Variants in KTN1 observed in about 807,000 individuals in gnomAD.
KTN1 encodes kinectin 1.
KTN1 carries 130 observed loss-of-function variants against 222.5 expected under a neutral mutation model. That is an observed-to-expected ratio of 0.58 (90% CI 0.51 to 0.68). The LOEUF is 0.68. Ranked by LOEUF, KTN1 falls within the 30% of genes least tolerant of loss-of-function variation. The pLI, the probability that KTN1 is intolerant of heterozygous loss-of-function variation, is 0.00. For missense variants in KTN1, 1,508 were observed against 1,500.4 expected, an observed-to-expected ratio of 1.01 and a Z score of -0.08; for synonymous variants, 512 against 496.3, an observed-to-expected ratio of 1.03 and a Z score of -0.42.
At chr14:55,681,383 T>C (rs1331306293) in intron 43 of KTN1, 1 of 152,228 alleles carries the variant, frequency 6.6e-6, no homozygotes, top group African/African-American at 2.4e-5. Context: ...CTAAGCGATA[T>C]TCTCTCTTTA....
intron 20 of KTN1, 104 bp from the exon 21 acceptor site, chr14:55,648,698 A>G (rs1779175743): frequency 2.6e-6 from 2 of 759,584 alleles, no homozygotes; most frequent in Non-Finnish European, 4.5e-6. Context: ...GGCCTTCCAG[A>G]GTAGAAAAGA....
intron 18 of KTN1, chr14:55,644,162 TCTAGTCGTTTTTATTGTTGCTGCTAGTG>T (rs2042065605): frequency 2.4e-6 from 1 of 423,570 alleles, no homozygotes; most frequent in African/African-American, 2.0e-5. Context: ...TGGCTTTTCC[TCTAGTCGTTTTTATTGTTGCTGCTAGTG>T]AAAGAAGAGA....
chr14:55,684,201 C>CAGTGTTTCTGACAAAGT lies in KTN1; in HGVS notation c.*100_*101insTGTTTCTGACAAAGTAG. On this transcript the variant is annotated 3_prime_UTR_variant, in exon 44 of 44. Transcript: ENST00000395314. ...TATGTTTTCACCCTTTCTACTTTGT[C>CAGTGTTTCTGACAAAGT]AGAAACACTGAACAGAGTTTTGTCT... 1 of 903,132 alleles carries CAGTGTTTCTGACAAAGT rather than the reference C, an allele frequency of 1.1e-6. No homozygotes were observed. The allele number at this position is 903,132 out of a possible 1,614,324, so 55.9% of individuals were successfully genotyped here.
intron 17 of KTN1, 45 bp downstream of exon 17, chr14:55,641,253 G>A (rs371345160): frequency 8.9e-6 from 10 of 1,121,526 alleles, no homozygotes; most frequent in Non-Finnish European, 1.3e-5. Flanking sequence ...GAACAACCTT[G>A]TATACTTTTC....
chr14:55,656,526 G>A (rs1283412280), intron 29 of KTN1, among the ~76,000 whole-genome samples: 1 of 152,038 alleles, frequency 6.6e-6, no homozygotes, highest in African/African-American at 2.4e-5. Context: ...GTACAGTGGC[G>A]TGATCTCGGC....
intron 6 of KTN1, 118 bp from the exon 7 acceptor site, chr14:55,629,839 A>G: frequency 1.3e-6 from 1 of 740,762 alleles, no homozygotes; most frequent in Middle Eastern, 4.0e-4. Flanking sequence ...CAAGTACTTA[A>G]TGTTTTATCA....
chr14:55,586,077 A>T (rs982323535), intron 1 of KTN1, among the ~76,000 whole-genome samples: 2 of 152,202 alleles, frequency 1.3e-5, no homozygotes, highest in Non-Finnish European at 2.9e-5. Context: ...TTAAGGAAAC[A>T]ATCTGGTCTG....
chr14:55,635,036 C>T (rs886473693), intron 9 of KTN1, among the ~76,000 whole-genome samples: 8 of 151,982 alleles, frequency 5.3e-5, no homozygotes, highest in African/African-American at 1.9e-4. Flanking sequence ...GATTACAATT[C>T]GAGATGAGGT....
intron 18 of KTN1, among the ~76,000 whole-genome samples, chr14:55,643,700 A>G (rs558002447): frequency 6.6e-6 from 1 of 152,224 alleles, no homozygotes; most frequent in Non-Finnish European, 1.5e-5. Context: ...ATCATTAGAT[A>G]AAAGTAAAAC....
intron 1 of KTN1, among the ~76,000 whole-genome samples, chr14:55,604,215 G>A (rs540229338): frequency 1.4e-4 from 22 of 152,182 alleles, no homozygotes; most frequent in Middle Eastern, 3.4e-3. Flanking sequence ...CCCGAACCAC[G>A]TTGTCCTTAC....
chr14:55,668,791 T>A (rs2045142215), intron 34 of KTN1: 1 of 152,088 alleles, frequency 6.6e-6, no homozygotes, highest in East Asian at 1.9e-4. Flanking sequence ...GCTCTGTGGG[T>A]GCTAGGGGTG....
chr14:55,656,457 A>G, intron 29 of KTN1: 1 of 203,014 alleles, frequency 4.9e-6, no homozygotes, highest in Non-Finnish European at 9.7e-6. Flanking sequence ...TTGGATGGTT[A>G]TATCATTTAT....
intron 1 of KTN1, among the ~76,000 whole-genome samples, chr14:55,591,432 A>T (rs148717171): frequency 6.6e-6 from 1 of 152,136 alleles, no homozygotes; most frequent in African/African-American, 2.4e-5. Flanking sequence ...TTTTCTTTCC[A>T]ATATAAATGT....
At chr14:55,620,703 A>G (rs1255391843) in intron 5 of KTN1, among the ~76,000 whole-genome samples, 3 of 152,142 alleles carry the variant, frequency 2.0e-5, no homozygotes, top group Admixed American at 6.5e-5. Context: ...CCTAGGCTAC[A>G]TACAGCAGGG....
intron 33 of KTN1, among the ~76,000 whole-genome samples, chr14:55,666,366 G>C (rs1252615245): frequency 6.6e-6 from 1 of 151,540 alleles, no homozygotes; most frequent in Non-Finnish European, 1.5e-5. Context: ...CTTTGTGACT[G>C]TTGTTTTTAG....
Position 55,639,242 on chromosome 14 carries a change from C to A in KTN1, c.1823+20C>A. On this transcript the variant is annotated intron_variant, in intron 13 of 43. Coordinates refer to ENST00000395314, the MANE Select transcript of KTN1 (RefSeq NM_001079521.2). ...TAAAGTGTAAGCCTACCTTTTCACA[C>A]TCTTATAATTGTGTAGTCACCACTA... The A allele has an allele frequency of 6.4e-7, 1 of 1,574,162 alleles. No individual in the cohort carries two copies. The highest frequency in any genetic ancestry group is 8.7e-7 in the Non-Finnish European group (1 of 1,144,684).
chr14:55,659,632 T>C (rs775275107), intron 30 of KTN1, 34 bp from the exon 31 acceptor site: 7 of 1,340,618 alleles, frequency 5.2e-6, no homozygotes, highest in Non-Finnish European at 7.4e-6. Flanking sequence ...CCTGAAAAGT[T>C]TTGTTCTGAA....
intron 8 of KTN1, among the ~76,000 whole-genome samples, chr14:55,634,014 C>T (rs778950392): frequency 6.6e-6 from 1 of 152,092 alleles, no homozygotes; most frequent in East Asian, 1.9e-4. Context: ...GTGGCACACA[C>T]CTGTAATCTC....
chr14:55,617,251 AAAG>A (rs2038521649), intron 3 of KTN1, among the ~76,000 whole-genome samples: 1 of 152,222 alleles, frequency 6.6e-6, no homozygotes, highest in Non-Finnish European at 1.5e-5. Context: ...ATTTTAAATA[AAAG>A]AAGAGACATA....
Sources: gnomAD v4.1 joint callset for allele counts (sites outside exome capture counted in the v4.1 genomes callset) on GRCh38, gnomAD v4.1.1 for gene constraint, MANE v1.5 for transcripts, NCBI Gene and HGNC (gene_info 2026-07-23, HGNC 2026-07-21) for gene names.